Variants in ZBTB16 observed in about 807,000 individuals in gnomAD.
ZBTB16 encodes the protein zinc finger and BTB domain containing 16.
ZBTB16 carries 8 observed loss-of-function variants against 56.8 expected under a neutral mutation model. That is an observed-to-expected ratio of 0.14 (90% confidence interval 0.08 to 0.25). ZBTB16 has a LOEUF of 0.25. Ranked by LOEUF, ZBTB16 falls within the 10% of genes least tolerant of loss-of-function variation. The probability of loss-of-function intolerance (pLI) is 1.00; values close to 1 mark genes in which losing one functional copy is unlikely to be tolerated. For synonymous variants in ZBTB16, 363 were observed against 368.5 expected, an observed-to-expected ratio of 0.98 and a Z score of 0.17; for missense variants, 625 against 903.0, an observed-to-expected ratio of 0.69 and a Z score of 3.95.
intron 2 of ZBTB16, among the ~76,000 whole-genome samples, chr11:114,115,999 G>A (rs1165213419): frequency 6.6e-6 from 1 of 152,190 alleles, no homozygotes; most frequent in Non-Finnish European, 1.5e-5. Context: ...AAAACCACTG[G>A]AAGCAATTAC....
At chr11:114,226,265 A>T (rs1944326516) in intron 4 of ZBTB16, among the ~76,000 whole-genome samples, 1 of 152,218 alleles carries the variant, frequency 6.6e-6, no homozygotes, top group Non-Finnish European at 1.5e-5. Flanking sequence ...CCACCCAAAG[A>T]GAGAAATGAA....
rs550303674 is a variant in ZBTB16, at chr11:114,154,266, T to C, written c.1269-2071T>C. Among the ~76,000 whole-genome samples the C allele has an allele frequency of 1.2e-4, 19 of 152,314 alleles. No individual in the cohort carries two copies. In the South Asian group the frequency reaches 3.9e-3, roughly 32 times the overall value. Reference sequence around the variant, plus strand: ...ATGGGTGTTCGTCCTCCTATTCCTCTTGACAGCCACCCTTCAGAAGTGGGC... The same window carrying C: ...ATGGGTGTTCGTCCTCCTATTCCTCCTGACAGCCACCCTTCAGAAGTGGGC... On this transcript the variant is annotated intron_variant, in intron 2 of 6. Transcript: ENST00000335953.
At chr11:114,088,797 A>G (rs1940064044) in intron 2 of ZBTB16, among the ~76,000 whole-genome samples, 2 of 152,104 alleles carry the variant, frequency 1.3e-5, no homozygotes, top group Admixed American at 1.3e-4. Context: ...TTTTTCTTTT[A>G]TCTTTTCTTT....
At chr11:114,116,534 A>G (rs1630468) in intron 2 of ZBTB16, among the ~76,000 whole-genome samples, 71,159 of 151,930 alleles carry the variant, frequency 0.47, 17,431 homozygotes, top group African/African-American at 0.61. Context: ...TTGCATCGTC[A>G]TCTTCTTTTT....
chr11:114,173,026 G>GTAA (rs1365264386), intron 3 of ZBTB16, among the ~76,000 whole-genome samples: 2 of 152,178 alleles, frequency 1.3e-5, no homozygotes, highest in African/African-American at 4.8e-5. Context: ...CAATTATGGT[G>GTAA]CAGGGGGTAA....
chr11:114,218,126 A>G (rs886485458), intron 4 of ZBTB16, among the ~76,000 whole-genome samples: 1 of 151,928 alleles, frequency 6.6e-6, no homozygotes, highest in African/African-American at 2.4e-5. Flanking sequence ...TTCCAGGGGG[A>G]TTGGATGGGC....
intron 4 of ZBTB16, among the ~76,000 whole-genome samples, chr11:114,230,501 G>A (rs1944417907): frequency 6.6e-6 from 1 of 152,082 alleles, no homozygotes; most frequent in African/African-American, 2.4e-5. Context: ...AGGCCGCATG[G>A]TGTCTCTGAT....
In ZBTB16 at chr11:114,251,245, G is replaced by C. The variant is rs1371581454; in HGVS notation, c.*690G>C. On this transcript the variant is annotated 3_prime_UTR_variant, in exon 7 of 7. Coordinates refer to ENST00000335953, the MANE Select transcript of ZBTB16 (RefSeq NM_006006.6). ...GACTCCTGTCCTCCAAGTCCCAGGGGAGTCCCAGCCCCTCAGGGACCTGGC... is the reference window on the plus strand; with the variant it reads ...GACTCCTGTCCTCCAAGTCCCAGGGCAGTCCCAGCCCCTCAGGGACCTGGC... Among the ~76,000 whole-genome samples the C allele has an allele frequency of 1.3e-5, 2 of 152,092 alleles. No homozygotes were observed. Among genetic ancestry groups the C allele is most frequent in the African/African-American group, 4.8e-5 (2 of 41,416 alleles).
chr11:114,113,444 A>G (rs146473885), intron 2 of ZBTB16, among the ~76,000 whole-genome samples: 3 of 152,356 alleles, frequency 2.0e-5, no homozygotes, highest in East Asian at 3.9e-4. Flanking sequence ...AAGGAATTCC[A>G]GAGCTGGTAG....
chr11:114,193,846 A>G (rs1943551668), intron 4 of ZBTB16, among the ~76,000 whole-genome samples: 1 of 152,220 alleles, frequency 6.6e-6, no homozygotes, highest in Admixed American at 6.5e-5. Context: ...TTGCTACCTT[A>G]GTTTATAAAA....
chr11:114,246,351 C>G (rs1944817059), intron 5 of ZBTB16, among the ~76,000 whole-genome samples: 1 of 152,200 alleles, frequency 6.6e-6, no homozygotes, highest in Non-Finnish European at 1.5e-5. Flanking sequence ...AACTCAGCTC[C>G]TTACTTGCCG....
Position 114,077,617 on chromosome 11 carries a change from G to A in ZBTB16, c.1268+13049G>A, listed in dbSNP as rs377608554. Reference sequence around the variant, plus strand: ...TCAGAAAAAATGAAACGGCTGTTGCGCAGAGGAGAAGGTTGTGGCCACAGA... The same window carrying A: ...TCAGAAAAAATGAAACGGCTGTTGCACAGAGGAGAAGGTTGTGGCCACAGA... On this transcript the variant is annotated intron_variant, in intron 2 of 6. Coordinates refer to ENST00000335953, the MANE Select transcript of ZBTB16 (RefSeq NM_006006.6). Among the ~76,000 whole-genome samples the A allele has an allele frequency of 1.1e-4, 16 of 152,254 alleles. No individual in the cohort carries two copies. In the East Asian group the frequency reaches 1.9e-3, roughly 18 times the overall value.
At chr11:114,239,301 A>G (rs954782179) in intron 4 of ZBTB16, among the ~76,000 whole-genome samples, 3 of 152,114 alleles carry the variant, frequency 2.0e-5, no homozygotes. Context: ...CATAAGGAGA[A>G]GCCTTGGCTC....
intron 4 of ZBTB16, among the ~76,000 whole-genome samples, chr11:114,230,903 T>TCCTCCTG (rs900959749): frequency 6.6e-6 from 1 of 152,150 alleles, no homozygotes; most frequent in Non-Finnish European, 1.5e-5. Flanking sequence ...TGTCTGGGTC[T>TCCTCCTG]CCTCCTGCCT....
At chr11:114,070,627 A>G (rs138999742) in intron 2 of ZBTB16, among the ~76,000 whole-genome samples, 5 of 152,288 alleles carry the variant, frequency 3.3e-5, no homozygotes, top group East Asian at 1.9e-4. Context: ...ACCAGGCCAT[A>G]TAAGAACATG....
chr11:114,157,295 T>G (rs1366339430), intron 3 of ZBTB16, among the ~76,000 whole-genome samples: 1 of 152,208 alleles, frequency 6.6e-6, no homozygotes, highest in Non-Finnish European at 1.5e-5. Flanking sequence ...AGAGAAAGGT[T>G]CAAATCCTGT....
intron 5 of ZBTB16, among the ~76,000 whole-genome samples, chr11:114,243,723 C>T (rs1380575839): frequency 6.6e-6 from 1 of 152,216 alleles, no homozygotes; most frequent in African/African-American, 2.4e-5. Context: ...TCCCCAGGTT[C>T]ATTCGGTCTT....
At chr11:114,062,104 C>CTTTT (rs35612820) in intron 1 of ZBTB16, among the ~76,000 whole-genome samples, 1 of 143,774 alleles carries the variant, frequency 7.0e-6, no homozygotes, top group African/African-American at 2.5e-5. Context: ...CACACACACA[C>CTTTT]TTTTTTTTTT....
intron 4 of ZBTB16, among the ~76,000 whole-genome samples, chr11:114,221,572 A>G (rs576104603): frequency 6.6e-6 from 1 of 152,208 alleles, no homozygotes; most frequent in Non-Finnish European, 1.5e-5. Context: ...ACTCCACCCC[A>G]CTGTCATGCC....
Sources: allele counts gnomAD v4.1 joint callset (sites outside exome capture counted in the v4.1 genomes callset), GRCh38; gene constraint gnomAD v4.1.1; transcripts MANE v1.5; gene names NCBI Gene and HGNC (gene_info 2026-07-23, HGNC 2026-07-21).